SNX8: variants seen among roughly 807,000 people sequenced by gnomAD.
SNX8 encodes sorting nexin-8.
Under a neutral mutation model 51.6 loss-of-function variants are expected in SNX8, and 25 were observed. That is an observed-to-expected ratio of 0.48 (90% CI 0.35 to 0.68). The LOEUF (loss-of-function observed/expected upper bound fraction) is 0.68, where lower values mean the gene tolerates loss of function less well. Among genes scored for constraint, SNX8 ranks in the 30% least tolerant of loss-of-function variants. The probability of loss-of-function intolerance (pLI) is 0.00; values close to 1 mark genes in which losing one functional copy is unlikely to be tolerated. For missense variants in SNX8, 695 were observed against 624.0 expected (o/e 1.11, Z -1.21); for synonymous variants, 324 against 277.0 (o/e 1.17, Z -1.68).
chr7:2,329,579 C>T (rs1778693295), intron 1 of SNX8, among the ~76,000 whole-genome samples: 1 of 152,150 alleles, frequency 6.6e-6, no homozygotes, highest in Non-Finnish European at 1.5e-5. Flanking sequence ...GGGCAGGACT[C>T]TAACCTTCCC....
At chr7:2,291,592 G>C (rs1049750822) in intron 1 of SNX8, among the ~76,000 whole-genome samples, 48 of 150,948 alleles carry the variant, frequency 3.2e-4, no homozygotes, top group African/African-American at 1.1e-3. Context: ...AGCGAGACTC[G>C]GTCTCAAAAA....
chr7:2,303,825 G>A (rs955505345), intron 1 of SNX8, among the ~76,000 whole-genome samples: 2 of 151,970 alleles, frequency 1.3e-5, no homozygotes, highest in Admixed American at 6.6e-5. Context: ...GTGGAAGGCC[G>A]CAGGGTCCTC....
At chr7:2,347,157 C>T (rs1163196192) in intron 1 of SNX8, among the ~76,000 whole-genome samples, 2 of 151,924 alleles carry the variant, frequency 1.3e-5, no homozygotes, top group African/African-American at 2.4e-5. Flanking sequence ...AGACACCCTC[C>T]GCCCCCACCA....
chr7:2,314,250 C>T (rs1369380390), intron 1 of SNX8, 78 bp downstream of exon 1: 15 of 1,204,894 alleles, frequency 1.2e-5, no homozygotes, highest in Non-Finnish European at 1.4e-5. Flanking sequence ...CCAAGCGCGG[C>T]GGCTGAGCCC....
In SNX8 at chr7:2,253,183, A is replaced by G. The variant is rs1389683640; in HGVS notation, c.*1873T>C. 6.5e-6 allele frequency: 1 copy of G among 154,326 alleles called. No individual in the cohort carries two copies. The highest frequency in any genetic ancestry group is 1.5e-5 in the Non-Finnish European group (1 of 68,288). The allele number at this position is 154,326 out of a possible 1,614,324, so 9.6% of individuals were successfully genotyped here. A position where few individuals can be genotyped will look rare whatever the true frequency, so the allele number is the denominator to read the frequency against. On this transcript the variant is annotated 3_prime_UTR_variant, in exon 11 of 11. Coordinates refer to ENST00000222990, the MANE Select transcript of SNX8 (RefSeq NM_013321.4). ...CCTCTCATACACTCACTGACCCCGG[A>G]GTCCCTGCCAGGAAAGCTCCTTCAG...
chr7:2,312,984 G>T (rs1205398401), intron 1 of SNX8, among the ~76,000 whole-genome samples: 2 of 152,002 alleles, frequency 1.3e-5, no homozygotes, highest in Non-Finnish European at 2.9e-5. Context: ...TACAAGCTCT[G>T]CCTCCCGGGT....
At chr7:2,317,112 T>C (rs1796769496), upstream of SNX8, among the ~76,000 whole-genome samples, 2 of 151,670 alleles carry the variant, frequency 1.3e-5, no homozygotes. Flanking sequence ...AGGAGTTAAG[T>C]AGGAGGAGGG....
rs138040233 is a variant in SNX8, at chr7:2,256,998, T to C, written c.1160A>G (p.Glu387Gly). 1 of 1,610,702 alleles carries C rather than the reference T, an allele frequency of 6.2e-7. No individual in the cohort carries two copies. The highest frequency in any genetic ancestry group is 2.2e-5 in the East Asian group (1 of 44,762). The change falls in exon 10 of 11, where the codon GAG becomes GGG. Residue 387 changes from glutamate (E) to glycine (G), a missense_variant. Coordinates refer to ENST00000222990, the MANE Select transcript of SNX8 (RefSeq NM_013321.4). The part of the protein sequence containing the change: ...VEQENAIQTM[E>G]LRNYFSLYCL... Reference sequence around the variant, plus strand: ...GTACAGGGAGAAGTAGTTCCGCAGCTCCATCGTCTGAATCGCGTTCTCCTG... The same window carrying C: ...GTACAGGGAGAAGTAGTTCCGCAGCCCCATCGTCTGAATCGCGTTCTCCTG...
In SNX8 at chr7:2,278,319, G is replaced by T. The variant is rs1194631380; in HGVS notation, c.95-14C>A. ...GTGTCGGCAGATCTGCAGGGGAGAT[G>T]GTGAATGACCAGTGAGAATAGCTGC... On this transcript the variant is annotated splice_polypyrimidine_tract_variant and intron_variant, in intron 1 of 10. Transcript: ENST00000222990. 25 of 1,470,694 alleles carry T rather than the reference G, an allele frequency of 1.7e-5. No individual in the cohort carries two copies. The highest frequency in any genetic ancestry group is 2.3e-5 in the Non-Finnish European group (25 of 1,069,176). The allele number at this position is 1,470,694 out of a possible 1,614,324, so 91.1% of individuals were successfully genotyped here. A position where few individuals can be genotyped will look rare whatever the true frequency, so the allele number is the denominator to read the frequency against.
intron 7 of SNX8, among the ~76,000 whole-genome samples, chr7:2,262,741 G>A (rs151135428): frequency 2.0e-5 from 3 of 152,306 alleles, no homozygotes; most frequent in South Asian, 2.1e-4. Flanking sequence ...TCTCGAAAGC[G>A]TAAACGCTCC....
chr7:2,263,169 C>G, intron 7 of SNX8, 61 bp downstream of exon 7: 1 of 1,575,618 alleles, frequency 6.3e-7, no homozygotes, highest in Admixed American at 1.8e-5. Context: ...AGGAGGCACT[C>G]CCCATGCAAA....
intron 3 of SNX8, among the ~76,000 whole-genome samples, chr7:2,274,250 A>G (rs1198967669): frequency 6.6e-6 from 1 of 152,220 alleles, no homozygotes. Context: ...CTGCTTGCTC[A>G]GTGACCGATG....
Position 2,312,992 on chromosome 7 carries a change from G to C in SNX8, c.94+1336C>G, listed in dbSNP as rs554929923. ...GGCTCACTACAAGCTCTGCCTCCCG[G>C]GTTCACGCCATTCTCCTGCCTCAGC... On this transcript the variant is annotated intron_variant, in intron 1 of 10. Transcript: ENST00000222990. Among the ~76,000 whole-genome samples the C allele has an allele frequency of 3.9e-5, 6 of 152,168 alleles. No individual in the cohort carries two copies. In the East Asian group the frequency reaches 1.2e-3, roughly 30 times the overall value.
chr7:2,333,784 C>T (rs1437585631), intron 1 of SNX8, among the ~76,000 whole-genome samples: 1 of 152,134 alleles, frequency 6.6e-6, no homozygotes, highest in Non-Finnish European at 1.5e-5. Context: ...AAAAAATGAA[C>T]CTCAATTCTT....
intron 5 of SNX8, among the ~76,000 whole-genome samples, chr7:2,266,811 G>A (rs1292948626): frequency 6.6e-6 from 1 of 152,104 alleles, no homozygotes; most frequent in African/African-American, 2.4e-5. Flanking sequence ...AGGAGCCACC[G>A]CGCCAGCCTG....
At chr7:2,303,300 C>G (rs1411507823) in intron 1 of SNX8, among the ~76,000 whole-genome samples, 140 of 150,650 alleles carry the variant, frequency 9.3e-4, no homozygotes, top group Middle Eastern at 3.5e-3. Flanking sequence ...CAGCCCCCCG[C>G]CCGGCCAGCC....
Position 2,256,944 on chromosome 7 carries a change from T to G in SNX8, c.1214A>C (p.His405Pro). ...GTGGGAGGTGAGGGGCAGGTAGACG[T>G]GGATGAGCTGCGTCTCCTGGTGCAG... is the stretch of plus-strand genomic sequence containing the variant. The part of the protein sequence containing the change: ...YCLHQETQLI[H>P]VYLPLTSHIL... Residue 405 changes from histidine to proline, a missense_variant, in exon 10 of 11, where the codon CAC (histidine) becomes CCC (proline). Physicochemically the swap from His to Pro is moderately conservative, Grantham distance 77. Transcript: ENST00000222990. The G allele has an allele frequency of 6.2e-7, 1 of 1,613,584 alleles. No individual in the cohort carries two copies. Among genetic ancestry groups the G allele is most frequent in the Non-Finnish European group, 8.5e-7 (1 of 1,179,824 alleles).
chr7:2,317,977 C>A (rs1796782520), upstream of SNX8, among the ~76,000 whole-genome samples: 1 of 152,202 alleles, frequency 6.6e-6, no homozygotes, highest in South Asian at 2.1e-4. Flanking sequence ...CTTCCAGCTG[C>A]TGTTGCTGCC....
intron 7 of SNX8, among the ~76,000 whole-genome samples, chr7:2,262,913 T>A (rs968272616): frequency 6.6e-6 from 1 of 151,022 alleles, no homozygotes; most frequent in Non-Finnish European, 1.5e-5. Flanking sequence ...AGGTCAGGAG[T>A]TCAAGACCAG....
Sources: gnomAD v4.1 joint callset for allele counts (sites outside exome capture counted in the v4.1 genomes callset) on GRCh38, gnomAD v4.1.1 for gene constraint, MANE v1.5 for transcripts, NCBI Gene and HGNC (gene_info 2026-07-23, HGNC 2026-07-21) for gene names.